The following RALYL variants were observed in gnomAD, a reference collection of about 807,000 sequenced individuals.
RALYL encodes RALY RNA binding protein like.
A neutral mutation model predicts 35.1 loss-of-function variants in RALYL; 29 were observed. That is an observed-to-expected ratio of 0.83 (90% CI 0.61 to 1.13). The LOEUF is 1.13. Ranked by LOEUF, RALYL falls within the 50% of genes most tolerant of loss-of-function variation. The probability of loss-of-function intolerance (pLI) is 0.00; values close to 1 mark genes in which losing one functional copy is unlikely to be tolerated. For missense variants in RALYL, 359 were observed against 360.4 expected (o/e 1.00, Z 0.03); for synonymous variants, 120 against 127.6 (o/e 0.94, Z 0.40).
intron 1 of RALYL, among the ~76,000 whole-genome samples, chr8:84,450,268 G>T (rs2049317245): frequency 1.3e-5 from 2 of 151,818 alleles, no homozygotes; most frequent in South Asian, 4.1e-4. Flanking sequence ...TTAGTAATCT[G>T]GGAGAACTGG....
chr8:84,717,119 G>A (rs908050085), intron 2 of RALYL, among the ~76,000 whole-genome samples: 9 of 152,130 alleles, frequency 5.9e-5, no homozygotes, highest in Admixed American at 2.0e-4. Flanking sequence ...CCCAGGAGGC[G>A]GAGGTTGCAG....
intron 2 of RALYL, among the ~76,000 whole-genome samples, chr8:84,580,883 G>T (rs1333905797): frequency 6.6e-6 from 1 of 152,138 alleles, no homozygotes; most frequent in Non-Finnish European, 1.5e-5. Context: ...TGCTCCACAG[G>T]TTCTACAGCC....
At chr8:84,281,592 A>T (rs1335117357) in intron 1 of RALYL, among the ~76,000 whole-genome samples, 1 of 151,962 alleles carries the variant, frequency 6.6e-6, no homozygotes, top group Non-Finnish European at 1.5e-5. Flanking sequence ...TGAATTATTA[A>T]ACATGTTTGG....
intron 1 of RALYL, among the ~76,000 whole-genome samples, chr8:84,206,860 C>T (rs938282499): frequency 6.6e-6 from 1 of 152,112 alleles, no homozygotes; most frequent in Non-Finnish European, 1.5e-5. Flanking sequence ...ACCAAAGCCC[C>T]ATCCTTGAAT....
At chr8:84,453,675 TATTGTCTGA>T (rs2049788712) in intron 1 of RALYL, among the ~76,000 whole-genome samples, 1 of 152,032 alleles carries the variant, frequency 6.6e-6, no homozygotes, top group Admixed American at 6.6e-5. Flanking sequence ...CTGATGCTGA[TATTGTCTGA>T]ATTCAGGGAC....
chr8:84,713,971 A>G (rs1240228223), intron 2 of RALYL, among the ~76,000 whole-genome samples: 1 of 151,558 alleles, frequency 6.6e-6, no homozygotes, highest in African/African-American at 2.4e-5. Flanking sequence ...TGAATGGATT[A>G]AAAATATGAT....
chr8:84,230,369 A>G (rs1825036197), intron 1 of RALYL, among the ~76,000 whole-genome samples: 1 of 152,132 alleles, frequency 6.6e-6, no homozygotes. Flanking sequence ...ATTTTTGAGG[A>G]TGATACAAAT....
chr8:84,761,034 C>T (rs1401957579), intron 2 of RALYL, among the ~76,000 whole-genome samples: 6 of 151,954 alleles, frequency 3.9e-5, no homozygotes, highest in Admixed American at 1.3e-4. Flanking sequence ...GGTAAAAAGA[C>T]CACACTTATA....
chr8:84,635,607 C>A (rs1369873543), intron 2 of RALYL, among the ~76,000 whole-genome samples: 1 of 151,540 alleles, frequency 6.6e-6, no homozygotes, highest in Non-Finnish European at 1.5e-5. Flanking sequence ...ATCATAAAAA[C>A]CTCTAGATAT....
At chr8:84,443,486 T>A (rs1267907316) in intron 1 of RALYL, among the ~76,000 whole-genome samples, 1 of 152,182 alleles carries the variant, frequency 6.6e-6, no homozygotes, top group Non-Finnish European at 1.5e-5. Context: ...TGCCTTGTCA[T>A]GCAAATATGA....
chr8:84,531,835 A>G (rs2059295076), intron 2 of RALYL, among the ~76,000 whole-genome samples: 1 of 152,112 alleles, frequency 6.6e-6, no homozygotes, highest in South Asian at 2.1e-4. Flanking sequence ...TTTGAGAAGA[A>G]TGCAATGGGC....
intron 1 of RALYL, among the ~76,000 whole-genome samples, chr8:84,253,466 C>A (rs1344590629): frequency 2.0e-5 from 3 of 151,288 alleles, no homozygotes; most frequent in Non-Finnish European, 4.4e-5. Flanking sequence ...TCTCAAAGTG[C>A]TAGGATTACA....
At chr8:84,313,326 C>T (rs991762857) in intron 1 of RALYL, among the ~76,000 whole-genome samples, 1 of 152,214 alleles carries the variant, frequency 6.6e-6, no homozygotes, top group Non-Finnish European at 1.5e-5. Flanking sequence ...ACATGTTCTT[C>T]ATTGTCTTGG....
intron 8 of RALYL, among the ~76,000 whole-genome samples, chr8:84,903,221 G>C (rs1443112304): frequency 6.6e-6 from 1 of 152,094 alleles, no homozygotes; most frequent in African/African-American, 2.4e-5. Flanking sequence ...AAATTGCTGA[G>C]AAAAGTTGCA....
intron 4 of RALYL, among the ~76,000 whole-genome samples, chr8:84,815,521 TG>T (rs1827010685): frequency 2.7e-5 from 4 of 150,520 alleles, no homozygotes. Context: ...TTAAAATTCT[TG>T]CCCATCTTAA....
At chr8:84,199,010 C>T (rs542850977) in intron 1 of RALYL, among the ~76,000 whole-genome samples, 12 of 152,196 alleles carry the variant, frequency 7.9e-5, no homozygotes, top group African/African-American at 2.6e-4. Flanking sequence ...GTATATACTC[C>T]AGAGTGGGAT....
At chr8:84,850,461 G>C (rs1169694783) in intron 5 of RALYL, among the ~76,000 whole-genome samples, 1 of 152,182 alleles carries the variant, frequency 6.6e-6, no homozygotes, top group African/African-American at 2.4e-5. Flanking sequence ...CTGCTTTGCA[G>C]GACAGTAGGA....
intron 1 of RALYL, among the ~76,000 whole-genome samples, chr8:84,279,650 G>A (rs1836154925): frequency 6.6e-6 from 1 of 152,124 alleles, no homozygotes; most frequent in Admixed American, 6.6e-5. Flanking sequence ...AGGCTTTGGA[G>A]GAGCATCCAC....
intron 1 of RALYL, among the ~76,000 whole-genome samples, chr8:84,404,543 C>A (rs1308744572): frequency 1.3e-5 from 2 of 151,196 alleles, no homozygotes; most frequent in East Asian, 3.9e-4. Flanking sequence ...GGTGGATAAG[C>A]TTTTTGATGT....
Sources: allele counts gnomAD v4.1 joint callset (sites outside exome capture counted in the v4.1 genomes callset), GRCh38; gene constraint gnomAD v4.1.1; transcripts MANE v1.5; gene names NCBI Gene and HGNC (gene_info 2026-07-23, HGNC 2026-07-21).